Variants in NPHP4 observed in about 807,000 individuals in gnomAD.
NPHP4 encodes the protein nephrocystin 4, also known as nephrocystin-4.
NPHP4 carries 151 observed loss-of-function variants against 155.8 expected under a neutral mutation model. That is an observed-to-expected ratio of 0.97 (90% CI 0.85 to 1.11). The LOEUF is 1.11. Ranked by LOEUF, NPHP4 falls within the 50% of genes least tolerant of loss-of-function variation. The probability of loss-of-function intolerance (pLI) is 0.00; values close to 1 mark genes in which losing one functional copy is unlikely to be tolerated. For missense variants in NPHP4, 1,956 were observed against 1,925.7 expected (o/e 1.02, Z -0.29); for synonymous variants, 845 against 816.8 (o/e 1.03, Z -0.59).
chr1:5,892,449 G>A lies in NPHP4; in HGVS notation c.2144-1421C>T, dbSNP rs1335435057. ...GCTCCTTAAGGGTGGGGCCCTGCTT[G>A]TCCAGTTCTCCCAGCACTACCCTGT... On this transcript the variant is annotated intron_variant, in intron 16 of 29. Coordinates refer to ENST00000378156, the MANE Select transcript of NPHP4 (RefSeq NM_015102.5). The surrounding 1 kb of genome is among the most constrained non-coding windows in gnomAD (Gnocchi z 4.5). Among the ~76,000 whole-genome samples, 1 of 152,126 alleles carries A rather than the reference G, an allele frequency of 6.6e-6. No individual in the cohort carries two copies. The highest frequency in any genetic ancestry group is 1.5e-5 in the Non-Finnish European group (1 of 68,004).
At position 5,879,824 on chromosome 1, in the gene NPHP4, CACACACGCAAACACACACAG is replaced by C. The variant is rs1237780223; in HGVS notation, c.2611+270_2611+289del. 8.4e-3 allele frequency among the ~76,000 whole-genome samples: 948 copies of C among 113,322 alleles called. 14 individuals are homozygous for C. Among genetic ancestry groups the C allele is most frequent in the African/African-American group, 0.024 (815 of 33,460 alleles). 74.3% of individuals were successfully genotyped at this position (113,322 alleles called of 152,430 possible). A position where few individuals can be genotyped will look rare whatever the true frequency, so the allele number is the denominator to read the frequency against. ...ACACACACACACACGCAAACACACACACACACGCAAACACACACAGACACGCACACAGACACGCACACACA... is the reference window on the plus strand; with the variant it reads ...ACACACACACACACGCAAACACACACACACGCACACAGACACGCACACACA... On this transcript the variant is annotated intron_variant, in intron 19 of 29. Transcript: ENST00000378156.
At chr1:5,869,343 T>G (rs1178311028) in intron 23 of NPHP4, among the ~76,000 whole-genome samples, 1 of 137,550 alleles carries the variant, frequency 7.3e-6, no homozygotes, top group South Asian at 2.5e-4. Context: ...CACCCACACA[T>G]GCACGCACAC....
At chr1:5,959,335 GA>G (rs1649870218) in intron 6 of NPHP4, among the ~76,000 whole-genome samples, 1 of 152,210 alleles carries the variant, frequency 6.6e-6, no homozygotes, top group African/African-American at 2.4e-5. Flanking sequence ...GACCTCTTCC[GA>G]AGCATGGCTT....
chr1:5,877,959 C>T (rs1365808024), intron 19 of NPHP4, among the ~76,000 whole-genome samples: 1 of 152,264 alleles, frequency 6.6e-6, no homozygotes, highest in Non-Finnish European at 1.5e-5. Flanking sequence ...CCAGGCCCTT[C>T]CTTCCGACAC....
intron 27 of NPHP4, 128 bp downstream of exon 27, chr1:5,864,974 G>T: frequency 1.1e-6 from 1 of 890,848 alleles, no homozygotes; most frequent in Non-Finnish European, 1.8e-6. Context: ...TGGTAACAGC[G>T]TCTGCGCGCT....
chr1:5,962,909 C>A (rs1478830210), intron 5 of NPHP4, among the ~76,000 whole-genome samples: 1 of 152,172 alleles, frequency 6.6e-6, no homozygotes, highest in Non-Finnish European at 1.5e-5. Context: ...ACCAAACGGC[C>A]AATCTTGCTC....
intron 11 of NPHP4, among the ~76,000 whole-genome samples, chr1:5,927,273 G>A (rs1371141737): frequency 2.6e-5 from 4 of 152,310 alleles, no homozygotes; most frequent in African/African-American, 9.6e-5. Context: ...GCTTCAAGGT[G>A]AGTAGACAGA....
At position 5,927,192 on chromosome 1, in the gene NPHP4, C is replaced by T. The variant is rs569740086; in HGVS notation, c.1441+457G>A. ...CTACCTCTGCTGGCAGCCCTTGCTGCTTGTAGCCAATTGTGACTCCTTTTC... is the reference window on the plus strand; with the variant it reads ...CTACCTCTGCTGGCAGCCCTTGCTGTTTGTAGCCAATTGTGACTCCTTTTC... On this transcript the variant is annotated intron_variant, in intron 11 of 29. Transcript: ENST00000378156. Among the ~76,000 whole-genome samples the T allele has an allele frequency of 5.3e-5, 8 of 152,342 alleles. No homozygotes were observed. In the East Asian group the frequency reaches 1.5e-3, roughly 29 times the overall value.
At chr1:5,909,330 AG>A in intron 11 of NPHP4, 117 bp from the exon 12 acceptor site, 1 of 802,408 alleles carries the variant, frequency 1.2e-6, no homozygotes, top group East Asian at 2.7e-5. Flanking sequence ...TGTCTGTAAC[AG>A]GGGCAGCCGC....
intron 18 of NPHP4, chr1:5,881,746 T>C (rs1643303135): frequency 6.6e-6 from 1 of 152,232 alleles, no homozygotes; most frequent in African/African-American, 2.4e-5. Flanking sequence ...TCCTAATTCT[T>C]AAGTTCCTTT....
intron 3 of NPHP4, among the ~76,000 whole-genome samples, chr1:5,972,712 A>AC (rs1371748003): frequency 6.6e-6 from 1 of 151,956 alleles, no homozygotes; most frequent in Non-Finnish European, 1.5e-5. Context: ...GGAGGAGCTT[A>AC]TTTTTTTCTT....
chr1:5,923,053 C>T (rs756169303), intron 11 of NPHP4, among the ~76,000 whole-genome samples: 8 of 152,144 alleles, frequency 5.3e-5, no homozygotes, highest in Non-Finnish European at 8.8e-5. Flanking sequence ...ATAAATGCAG[C>T]GTATGGGAGA....
intron 11 of NPHP4, among the ~76,000 whole-genome samples, chr1:5,909,726 A>G (rs1645085035): frequency 6.6e-6 from 1 of 152,140 alleles, no homozygotes; most frequent in Non-Finnish European, 1.5e-5. Context: ...CAGGCCCGGT[A>G]ACACTGGGAG....
At chr1:5,913,870 C>T (rs1378600544) in intron 11 of NPHP4, among the ~76,000 whole-genome samples, 1 of 152,190 alleles carries the variant, frequency 6.6e-6, no homozygotes, top group Non-Finnish European at 1.5e-5. Flanking sequence ...ATACATAACG[C>T]AGAGAACAGA....
intron 18 of NPHP4, among the ~76,000 whole-genome samples, chr1:5,883,075 G>A (rs190514962): frequency 3.3e-5 from 5 of 152,226 alleles, no homozygotes; most frequent in African/African-American, 4.8e-5. Context: ...TCTCCACCAC[G>A]GCGCCAGGTT....
rs370641339 is a variant in NPHP4 at position 5,874,606 on chromosome 1, C to G, written c.3096G>C (p.Leu1032=). The G allele has an allele frequency of 6.2e-7, 1 of 1,611,948 alleles. No individual in the cohort carries two copies. The highest frequency in any genetic ancestry group is 1.7e-5 in the Admixed American group (1 of 59,814). The stretch of plus-strand genomic sequence containing the variant: ...ACATGTCCTCCTCCACCGGTGTGTG[C>G]AGGCCAGCAGCACCCTTGAAGTCCC... ...EWRDFKGAAG[L]HTPVEEDMFH... Residue 1032 remains leucine, a synonymous_variant, in exon 22 of 30, where the codon CTG becomes CTC. Coordinates refer to ENST00000378156, the MANE Select transcript of NPHP4 (RefSeq NM_015102.5).
chr1:5,986,139 C>T lies in NPHP4; in HGVS notation c.135+16G>A, dbSNP rs1655444452. The T allele has an allele frequency of 1.9e-6, 3 of 1,613,634 alleles. No homozygotes were observed. The highest frequency in any genetic ancestry group is 2.5e-6 in the Non-Finnish European group (3 of 1,179,688). The stretch of plus-strand genomic sequence containing the variant: ...AAGAGCAATAACACGCATTTGCTAA[C>T]AGCACATTTTGTTACCTGCCTAATT... On this transcript the variant is annotated intron_variant, in intron 2 of 29. Coordinates refer to ENST00000378156, the MANE Select transcript of NPHP4 (RefSeq NM_015102.5).
At chr1:5,964,972 C>T (rs556327035) in intron 5 of NPHP4, among the ~76,000 whole-genome samples, 1 of 87,044 alleles carries the variant, frequency 1.1e-5, no homozygotes, top group Non-Finnish European at 2.1e-5. Context: ...GTCTCACCGT[C>T]GCCCAGGCTG....
intron 1 of NPHP4, among the ~76,000 whole-genome samples, chr1:5,986,818 G>A (rs1218386884): frequency 6.6e-6 from 1 of 152,126 alleles, no homozygotes; most frequent in Non-Finnish European, 1.5e-5. Flanking sequence ...GTTCCGGATG[G>A]GGACATGAAG....
Sources: allele counts gnomAD v4.1 joint callset (sites outside exome capture counted in the v4.1 genomes callset), GRCh38; gene constraint gnomAD v4.1.1; non-coding constraint Gnocchi (gnomAD v3.1); transcripts MANE v1.5; gene names NCBI Gene and HGNC (gene_info 2026-07-23, HGNC 2026-07-21).